The following HIPK1 variants were observed in gnomAD, a reference collection of about 807,000 sequenced individuals.
HIPK1 encodes homeodomain-interacting protein kinase 1.
In HIPK1, 28 loss-of-function variants were observed where a neutral mutation model predicts 117.1. The observed-to-expected ratio is 0.24, with a 90% CI of 0.18 to 0.33. HIPK1 has a LOEUF of 0.33. Ranked by LOEUF, HIPK1 falls within the 10% of genes least tolerant of loss-of-function variation. The probability of loss-of-function intolerance (pLI) is 1.00; values close to 1 mark genes in which losing one functional copy is unlikely to be tolerated. For missense variants in HIPK1, 1,122 were observed against 1,475.1 expected (o/e 0.76, Z 3.92); for synonymous variants, 605 against 562.5 (o/e 1.08, Z -1.07).
chr1:113,929,983 T>TCC, intron 1 of HIPK1: 1 of 984,928 alleles, frequency 1.0e-6, no homozygotes, highest in Non-Finnish European at 1.2e-6. Flanking sequence ...GGGAGCGACT[T>TCC]CCCCTCAGCT....
Position 113,973,042 on chromosome 1 carries a change from G to A in HIPK1, c.3163G>A (p.Ala1055Thr). Residue 1055 changes from alanine to threonine, a missense_variant, in exon 16 of 16, where the codon GCT becomes ACT. This residue lies in a region of HIPK1 where 731 missense variants were observed against 860.4 expected (regional missense o/e 0.85). Transcript: ENST00000426820. ...NLSQNQQSSA[A>T]PTSQERSSNP... Reference sequence around the variant, plus strand: ...CTTCCAGAACCAGCAGTCATCGGCGGCTCCAACCTCACAGGAGAGAAGCAG... The same window carrying A: ...CTTCCAGAACCAGCAGTCATCGGCGACTCCAACCTCACAGGAGAGAAGCAG... 1 of 1,516,740 alleles carries A rather than the reference G, an allele frequency of 6.6e-7. No individual in the cohort carries two copies. Among genetic ancestry groups the A allele is most frequent in the Non-Finnish European group, 8.8e-7 (1 of 1,133,068 alleles). 94.0% of individuals were successfully genotyped at this position (1,516,740 alleles called of 1,614,324 possible).
chr1:113,930,721 A>T (rs952497123), intron 1 of HIPK1: 4 of 151,562 alleles, frequency 2.6e-5, no homozygotes, highest in African/African-American at 7.3e-5. Context: ...CGTTGGTCTA[A>T]CCTCCAGTTT....
intron 1 of HIPK1, among the ~76,000 whole-genome samples, chr1:113,934,388 A>G (rs1428395312): frequency 2.6e-5 from 4 of 152,214 alleles, no homozygotes; most frequent in Non-Finnish European, 5.9e-5. Flanking sequence ...AGCACCCAGT[A>G]AATAATGTTA....
At position 113,973,245 on chromosome 1, in the gene HIPK1, A is replaced by C. The variant is rs1488187573; in HGVS notation, c.3366A>C (p.Ala1122=). 1.8e-5 allele frequency: 29 copies of C among 1,613,902 alleles called. No individual in the cohort carries two copies. The highest frequency in any genetic ancestry group is 2.5e-5 in the Non-Finnish European group (29 of 1,180,004). The part of the protein sequence containing the change: ...YTYAAPTSAA[A]LGSTSSIAHL... ...ATGCTGCCCCGACTTCTGCTGCTGC[A>C]CTGGGCTCAACCAGCTCCATTGCTC... Residue 1122 remains alanine (A), a synonymous_variant, in exon 16 of 16, where the codon GCA becomes GCC. Coordinates refer to ENST00000426820, the MANE Select transcript of HIPK1 (RefSeq NM_198268.3).
chr1:113,969,899 G>A (rs374307580), intron 13 of HIPK1, 57 bp from the exon 14 acceptor site: 241 of 1,588,858 alleles, frequency 1.5e-4, no homozygotes, highest in South Asian at 2.5e-4. Flanking sequence ...AGAACAAGAC[G>A]CTGTCACACA....
intron 10 of HIPK1, among the ~76,000 whole-genome samples, chr1:113,964,367 A>C (rs889846323): frequency 6.6e-6 from 1 of 152,252 alleles, no homozygotes; most frequent in African/African-American, 2.4e-5. Context: ...TACTGGGCTT[A>C]GAGATAGAAA....
chr1:113,942,248 A>G (rs750932429), intron 2 of HIPK1, among the ~76,000 whole-genome samples: 7 of 151,298 alleles, frequency 4.6e-5, no homozygotes, highest in Non-Finnish European at 1.0e-4. Flanking sequence ...TTTAATAGAG[A>G]TGGGGTTTCA....
Position 113,962,301 on chromosome 1 carries a change from A to G in HIPK1, c.1982-16A>G, listed in dbSNP as rs1004029918. The G allele has an allele frequency of 6.8e-6, 11 of 1,612,264 alleles. No homozygotes were observed. The highest frequency in any genetic ancestry group is 8.5e-7 in the Non-Finnish European group (1 of 1,179,012). ...GACCTTGCAAAACTATTTAACTGTG[A>G]TGCTGTTTTCAATAGCTGGACTACA... On this transcript the variant is annotated splice_polypyrimidine_tract_variant and intron_variant, in intron 8 of 15. Transcript: ENST00000426820.
intron 8 of HIPK1, among the ~76,000 whole-genome samples, chr1:113,960,760 G>T (rs964892698): frequency 6.6e-6 from 1 of 152,128 alleles, no homozygotes; most frequent in African/African-American, 2.4e-5. Context: ...TATAAAAAAA[G>T]ATATTGTTAG....
At chr1:113,929,830 C>T (rs962670193) in intron 1 of HIPK1, 3 of 986,952 alleles carry the variant, frequency 3.0e-6, no homozygotes, top group Non-Finnish European at 3.6e-6. Flanking sequence ...GGGCCCGGGC[C>T]GGCTCGCGCG....
intron 5 of HIPK1, 76 bp from the exon 6 acceptor site, chr1:113,956,551 T>A: frequency 1.0e-6 from 1 of 994,594 alleles, no homozygotes; most frequent in Non-Finnish European, 1.5e-6. Context: ...CACACATAGT[T>A]TGGAGGGAAA....
At chr1:113,956,492 T>A in intron 5 of HIPK1, 135 bp from the exon 6 acceptor site, 1 of 519,894 alleles carries the variant, frequency 1.9e-6, no homozygotes, top group East Asian at 3.4e-5. Flanking sequence ...GATTAGATTT[T>A]CATAAAAAGA....
chr1:113,972,882 A>G (rs1672929557), intron 15 of HIPK1, 142 bp from the exon 16 acceptor site: 8 of 813,924 alleles, frequency 9.8e-6, no homozygotes, highest in Non-Finnish European at 1.4e-5. Flanking sequence ...GATTTCTGAC[A>G]GCATTCAATG....
At chr1:113,939,811 C>A (rs1256335620) in intron 1 of HIPK1, among the ~76,000 whole-genome samples, 2 of 152,010 alleles carry the variant, frequency 1.3e-5, no homozygotes, top group African/African-American at 2.4e-5. Context: ...TCAGTTTAAT[C>A]TGTGGGCTTA....
intron 1 of HIPK1, chr1:113,930,454 G>C (rs1669798718): frequency 2.0e-5 from 3 of 152,314 alleles, no homozygotes; most frequent in Admixed American, 2.0e-4. Context: ...CGTTAGGCTT[G>C]TAATTCGTAA....
chr1:113,951,273 A>G, intron 2 of HIPK1: 3 of 984,352 alleles, frequency 3.0e-6, no homozygotes, highest in Non-Finnish European at 3.6e-6. Flanking sequence ...ACCATGTCAA[A>G]TATAAATTTA....
intron 11 of HIPK1, 57 bp from the exon 12 acceptor site, chr1:113,967,709 G>T (rs1379798695): frequency 2.3e-6 from 3 of 1,286,414 alleles, no homozygotes; most frequent in African/African-American, 3.1e-5. Context: ...TGTCTGTTTG[G>T]TCCTGATTCT....
intron 13 of HIPK1, among the ~76,000 whole-genome samples, chr1:113,969,539 C>T (rs72998194): frequency 0.013 from 1,903 of 152,208 alleles, 39 homozygotes; most frequent in African/African-American, 0.044. Flanking sequence ...GCTAATATTA[C>T]TATTATTATT....
At chr1:113,943,859 T>G (rs1346841171) in intron 2 of HIPK1, among the ~76,000 whole-genome samples, 1 of 152,196 alleles carries the variant, frequency 6.6e-6, no homozygotes, top group African/African-American at 2.4e-5. Flanking sequence ...CTATTGCTCA[T>G]GCTGGAGTAC....
Sources: gnomAD v4.1 joint callset for allele counts (sites outside exome capture counted in the v4.1 genomes callset) on GRCh38, gnomAD v4.1.1 for gene constraint, gnomAD v4.1.1 regional missense constraint, MANE v1.5 for transcripts, NCBI Gene and HGNC (gene_info 2026-07-23, HGNC 2026-07-21) for gene names.